Variants in CCDC88C observed in about 807,000 individuals in gnomAD.
CCDC88C encodes coiled-coil and HOOK domain protein 88C, also known as protein Daple.
Under a neutral mutation model 198.8 loss-of-function variants are expected in CCDC88C, and 131 were observed. The ratio of observed to expected loss-of-function variants is 0.66; its 90% CI spans 0.57 to 0.76. The LOEUF is 0.76. CCDC88C is among the 30% of genes least tolerant of loss of function. CCDC88C has a pLI of 0.00. For synonymous variants in CCDC88C, 1,166 were observed against 1,114.7 expected, an observed-to-expected ratio of 1.05 and a Z score of -0.92; for missense variants, 2,553 against 2,631.6, an observed-to-expected ratio of 0.97 and a Z score of 0.65.
intron 10 of CCDC88C, among the ~76,000 whole-genome samples, chr14:91,326,675 G>A (rs1892598768): frequency 6.6e-6 from 1 of 152,232 alleles, no homozygotes; most frequent in African/African-American, 2.4e-5. Context: ...TAACAAGGAA[G>A]GAGTGGGGTT....
rs886452024 is a variant in CCDC88C at position 91,338,436 on chromosome 14, G to C, written c.891+53C>G. On this transcript the variant is annotated intron_variant, in intron 9 of 29. Coordinates refer to ENST00000389857, the MANE Select transcript of CCDC88C (RefSeq NM_001080414.4). The surrounding 1 kb of genome is among the most constrained non-coding windows in gnomAD (Gnocchi z 4.8). ...CCTGACCCTCCAGGCCCCGTTACTGGACACTCCAGCCCTGCTACCCCCAGG... is the reference window on the plus strand; with the variant it reads ...CCTGACCCTCCAGGCCCCGTTACTGCACACTCCAGCCCTGCTACCCCCAGG... The C allele has an allele frequency of 6.8e-7, 1 of 1,468,264 alleles. No individual in the cohort carries two copies. The highest frequency in any genetic ancestry group is 1.4e-5 in the African/African-American group (1 of 71,250). 91.0% of individuals were successfully genotyped at this position (1,468,264 alleles called of 1,614,324 possible).
chr14:91,321,032 T>A, intron 13 of CCDC88C, 88 bp downstream of exon 13: 1 of 1,314,560 alleles, frequency 7.6e-7, no homozygotes, highest in Non-Finnish European at 1.0e-6. Context: ...GGCCCCCTCC[T>A]TGTCTGTGCT....
intron 2 of CCDC88C, among the ~76,000 whole-genome samples, chr14:91,414,927 C>T (rs910629744): frequency 1.3e-5 from 2 of 152,148 alleles, no homozygotes; most frequent in Non-Finnish European, 1.5e-5. Context: ...GATGAGCTGG[C>T]GTTTCTCAAA....
At chr14:91,410,938 T>C (rs1013586480) in intron 2 of CCDC88C, among the ~76,000 whole-genome samples, 5 of 152,134 alleles carry the variant, frequency 3.3e-5, no homozygotes, top group African/African-American at 9.7e-5. Context: ...AGGCATAGCA[T>C]ACACTCAGGG....
At chr14:91,297,978 G>C (rs750298301) in intron 21 of CCDC88C, among the ~76,000 whole-genome samples, 19 of 152,198 alleles carry the variant, frequency 1.2e-4, no homozygotes, top group Non-Finnish European at 4.4e-5. Flanking sequence ...GTGTGAGATG[G>C]TGTGTATTAT....
chr14:91,342,377 T>C lies in CCDC88C; in HGVS notation c.483+3A>G. On this transcript the variant is annotated splice_donor_region_variant and intron_variant, in intron 6 of 29. Coordinates refer to ENST00000389857, the MANE Select transcript of CCDC88C (RefSeq NM_001080414.4). ...TGAGCCCACCACGAGGCCACGCACC[T>C]ACCTCCTGGATATGGGCCACGATGC... The C allele has an allele frequency of 6.3e-7, 1 of 1,579,298 alleles. No homozygotes were observed. The highest frequency in any genetic ancestry group is 8.6e-7 in the Non-Finnish European group (1 of 1,159,940).
At chr14:91,279,199 A>C (rs781551975) in intron 28 of CCDC88C, 39 bp downstream of exon 28, 1 of 1,542,690 alleles carries the variant, frequency 6.5e-7, no homozygotes, top group East Asian at 2.4e-5. Flanking sequence ...TGCCTGGCCC[A>C]AATCAATTTT....
chr14:91,324,642 G>A, intron 12 of CCDC88C, 137 bp downstream of exon 12: 1 of 1,118,964 alleles, frequency 8.9e-7, no homozygotes, highest in Non-Finnish European at 1.3e-6. Context: ...ACAGTTCCAA[G>A]TGGAGCTTGA....
rs1889956834 is a variant in CCDC88C, at chr14:91,276,173, G to A, written c.5058+1749C>T. ...TACCCAGCCGCAAGACCATTATCTG[G>A]AATTTATAAAGATGCAAATTCTCAG... On this transcript the variant is annotated intron_variant, in intron 29 of 29. Coordinates refer to ENST00000389857, the MANE Select transcript of CCDC88C (RefSeq NM_001080414.4). Among the ~76,000 whole-genome samples, 4 of 152,206 alleles carry A rather than the reference G, an allele frequency of 2.6e-5. No homozygotes were observed. The South Asian group carries it at 8.3e-4, about 32-fold the overall frequency.
chr14:91,374,686 C>A (rs747159), intron 3 of CCDC88C, among the ~76,000 whole-genome samples: 57,024 of 152,098 alleles, frequency 0.37, 11,300 homozygotes, highest in African/African-American at 0.49. Context: ...ACCTTTGAGG[C>A]CATTCCAACA....
At chr14:91,388,495 C>T (rs1441760524) in intron 3 of CCDC88C, among the ~76,000 whole-genome samples, 1 of 152,180 alleles carries the variant, frequency 6.6e-6, no homozygotes, top group Admixed American at 6.5e-5. Flanking sequence ...AAGGTGTCTG[C>T]CATAGCAACA....
chr14:91,342,323 C>T (rs1046136778), intron 6 of CCDC88C, 57 bp downstream of exon 6: 29 of 1,119,380 alleles, frequency 2.6e-5, no homozygotes, highest in African/African-American at 4.6e-5. Context: ...TTTTGCCTCC[C>T]GGCCACCACA....
Position 91,272,882 on chromosome 14 carries a change from G to T in CCDC88C, c.5830C>A (p.Pro1944Thr). Residue 1944 changes from proline (P) to threonine (T), a missense_variant, in exon 30 of 30, where the codon CCC becomes ACC. Physicochemically the swap from Pro to Thr is conservative, Grantham distance 38. Transcript: ENST00000389857. ...GTGGCCACCTCCCCTGAGCGTGGGG[G>T]CGCCTTGGGCTTGGTCCTGGCAGCC... is the stretch of plus-strand genomic sequence containing the variant. ...APAARTKPKA[P>T]PRSGEVATIT... 1.3e-6 allele frequency: 2 copies of T among 1,588,396 alleles called. No individual in the cohort carries two copies. Among genetic ancestry groups the T allele is most frequent in the Non-Finnish European group, 1.7e-6 (2 of 1,170,818 alleles).
intron 29 of CCDC88C, among the ~76,000 whole-genome samples, chr14:91,276,502 G>T (rs1051649762): frequency 6.6e-6 from 1 of 152,252 alleles, no homozygotes; most frequent in South Asian, 2.1e-4. Flanking sequence ...ACCTGCTGAT[G>T]AACTGGTTTG....
intron 4 of CCDC88C, among the ~76,000 whole-genome samples, chr14:91,345,191 T>TATATATATATATATATA (rs1491366967): frequency 3.0e-5 from 1 of 33,632 alleles, no homozygotes; most frequent in African/African-American, 1.3e-4. Context: ...TATATATATA[T>TATATATATATATATATA]TTTTTTTTTT....
intron 3 of CCDC88C, among the ~76,000 whole-genome samples, chr14:91,385,215 A>G (rs1253891224): frequency 1.3e-5 from 2 of 152,258 alleles, no homozygotes; most frequent in East Asian, 3.9e-4. Flanking sequence ...GGTTTACCTA[A>G]GAAGTCTACC....
chr14:91,322,631 A>G (rs1038675249), intron 12 of CCDC88C, among the ~76,000 whole-genome samples: 1 of 152,238 alleles, frequency 6.6e-6, no homozygotes, highest in East Asian at 1.9e-4. Flanking sequence ...ATGGGGGTGA[A>G]CCCATTTTTA....
At position 91,341,860 on chromosome 14, in the gene CCDC88C, G is replaced by A. The variant is rs150584956; in HGVS notation, c.483+520C>T. Among the ~76,000 whole-genome samples, 7 of 152,158 alleles carry A rather than the reference G, an allele frequency of 4.6e-5. 1 individual carries two copies. The highest frequency in any genetic ancestry group is 1.4e-4 in the African/African-American group (6 of 41,524). Reference sequence around the variant, plus strand: ...CAGTGCAGAGCCCTCCCGGCCCCTCGCTGGGGGGCCTGAGTTGGGGCTGGG... The same window carrying A: ...CAGTGCAGAGCCCTCCCGGCCCCTCACTGGGGGGCCTGAGTTGGGGCTGGG... On this transcript the variant is annotated intron_variant, in intron 6 of 29. Transcript: ENST00000389857.
intron 20 of CCDC88C, among the ~76,000 whole-genome samples, chr14:91,302,722 C>T (rs536505362): frequency 1.3e-5 from 2 of 152,274 alleles, no homozygotes; most frequent in African/African-American, 4.8e-5. Flanking sequence ...ACAAGAGTTT[C>T]ACTATATGAT....
Sources: gnomAD v4.1 joint callset for allele counts (sites outside exome capture counted in the v4.1 genomes callset) on GRCh38, gnomAD v4.1.1 for gene constraint, Gnocchi (gnomAD v3.1) non-coding constraint, MANE v1.5 for transcripts, NCBI Gene and HGNC (gene_info 2026-07-23, HGNC 2026-07-21) for gene names.